Variants in CMC1 observed in about 807,000 individuals in gnomAD.
CMC1 encodes COX assembly mitochondrial protein homolog.
Under a neutral mutation model 14.1 loss-of-function variants are expected in CMC1, and 14 were observed. That is an observed-to-expected ratio of 0.99 (90% CI 0.66 to 1.55). CMC1 has a LOEUF of 1.55. Among genes scored for constraint, CMC1 ranks in the 40% most tolerant of loss-of-function variants. CMC1 has a pLI of 0.00. For synonymous variants in CMC1, 50 were observed against 38.4 expected, an observed-to-expected ratio of 1.30 and a Z score of -1.12; for missense variants, 127 against 123.8, an observed-to-expected ratio of 1.03 and a Z score of -0.12.
intron 1 of CMC1, among the ~76,000 whole-genome samples, chr3:28,258,722 C>T (rs1472524587): frequency 6.7e-6 from 1 of 149,950 alleles, no homozygotes; most frequent in Non-Finnish European, 1.5e-5. Context: ...CGGGTTCATG[C>T]CATTCTCCTG....
intron 2 of CMC1, among the ~76,000 whole-genome samples, chr3:28,292,501 G>C (rs1388739775): frequency 3.3e-5 from 5 of 152,078 alleles, no homozygotes; most frequent in Non-Finnish European, 7.4e-5. Flanking sequence ...CACTGCTTAT[G>C]ATCAAGCCTA....
chr3:28,278,573 G>C (rs914673494), intron 2 of CMC1, among the ~76,000 whole-genome samples: 2 of 152,134 alleles, frequency 1.3e-5, no homozygotes, highest in Non-Finnish European at 1.5e-5. Context: ...TTCCTCTTAA[G>C]ATTTCAGATA....
chr3:28,246,798 A>T (rs112579797), intron 1 of CMC1, among the ~76,000 whole-genome samples: 1,499 of 121,498 alleles, frequency 0.012, 78 homozygotes, highest in African/African-American at 0.043. Context: ...GGGTCCATTG[A>T]TTTTTTTTTT....
chr3:28,301,700 A>G (rs1435388530), intron 2 of CMC1, among the ~76,000 whole-genome samples: 5 of 152,128 alleles, frequency 3.3e-5, no homozygotes, highest in African/African-American at 1.2e-4. Context: ...AATTTGACAA[A>G]TGAGCGTACT....
At chr3:28,296,857 G>T (rs1224016087) in intron 2 of CMC1, among the ~76,000 whole-genome samples, 1 of 151,956 alleles carries the variant, frequency 6.6e-6, no homozygotes, top group Non-Finnish European at 1.5e-5. Context: ...AAGGTTTGTT[G>T]TTTTACATTT....
chr3:28,279,200 C>T lies in CMC1; in HGVS notation c.109+15820C>T, dbSNP rs565643531. On this transcript the variant is annotated intron_variant, in intron 2 of 3. Coordinates refer to ENST00000466830, the MANE Select transcript of CMC1 (RefSeq NM_182523.2). ...GAAATAGCACTGGGTGAGTCCCCTG[C>T]CAGGTAGGGTGGCTGAAACTCTTGA... Among the ~76,000 whole-genome samples, 38 of 152,222 alleles carry T rather than the reference C, an allele frequency of 2.5e-4. 1 individual carries two copies. In the South Asian group the frequency reaches 6.6e-3, roughly 27 times the overall value.
chr3:28,265,443 T>C (rs1699954861), intron 2 of CMC1, among the ~76,000 whole-genome samples: 1 of 152,162 alleles, frequency 6.6e-6, no homozygotes, highest in Non-Finnish European at 1.5e-5. Context: ...TCCATTGTAG[T>C]TTATTTACTG....
intron 3 of CMC1, 33 bp from the exon 4 acceptor site, chr3:28,319,476 T>A: frequency 6.4e-7 from 1 of 1,555,988 alleles, no homozygotes; most frequent in Non-Finnish European, 8.8e-7. Flanking sequence ...GCAGGATTAT[T>A]TACTTGAAAA....
rs1411075169 is a variant in CMC1, at chr3:28,321,316, G to A, written c.*1687G>A. The A allele has an allele frequency of 1.5e-4, 23 of 151,520 alleles. No individual in the cohort carries two copies. The highest frequency in any genetic ancestry group is 5.1e-4 in the African/African-American group (21 of 41,464). 9.4% of individuals were successfully genotyped at this position (151,520 alleles called of 1,614,324 possible). On this transcript the variant is annotated 3_prime_UTR_variant, in exon 4 of 4. Transcript: ENST00000466830. The stretch of plus-strand genomic sequence containing the variant: ...ATGGAAGAGTTACTTTAAGAAGCTA[G>A]TGAAATATACAATCTATTTTATAGC...
At chr3:28,284,245 G>A (rs1194643065) in intron 2 of CMC1, among the ~76,000 whole-genome samples, 1 of 152,146 alleles carries the variant, frequency 6.6e-6, no homozygotes, top group East Asian at 1.9e-4. Flanking sequence ...CTGCTTCCGT[G>A]ATTAAGGCTT....
chr3:28,255,143 C>T (rs184345465), intron 1 of CMC1, among the ~76,000 whole-genome samples: 11 of 152,262 alleles, frequency 7.2e-5, no homozygotes, highest in African/African-American at 2.6e-4. Context: ...CCCTCATCCC[C>T]TTTAGGCACC....
chr3:28,275,041 C>T (rs1256163188), intron 2 of CMC1, among the ~76,000 whole-genome samples: 3 of 152,146 alleles, frequency 2.0e-5, no homozygotes, highest in African/African-American at 7.2e-5. Context: ...AGAACATGCT[C>T]CGTTAGCCCA....
At chr3:28,307,986 C>T (rs547540017) in intron 2 of CMC1, among the ~76,000 whole-genome samples, 1 of 152,294 alleles carries the variant, frequency 6.6e-6, no homozygotes, top group South Asian at 2.1e-4. Context: ...CTCTCTGACT[C>T]TGCTTCCATC....
intron 2 of CMC1, among the ~76,000 whole-genome samples, chr3:28,267,889 C>A (rs1464102524): frequency 6.6e-6 from 1 of 152,216 alleles, no homozygotes; most frequent in Non-Finnish European, 1.5e-5. Context: ...TTCTGTCCAA[C>A]TGTGTTACTT....
At chr3:28,316,806 T>A (rs1163354381) in intron 3 of CMC1, 2 of 154,100 alleles carry the variant, frequency 1.3e-5, no homozygotes, top group Non-Finnish European at 2.9e-5. Context: ...ATTTGTTGGA[T>A]TAATATAATT....
chr3:28,308,713 G>A (rs942732837), intron 2 of CMC1, among the ~76,000 whole-genome samples: 1 of 152,164 alleles, frequency 6.6e-6, no homozygotes, highest in Non-Finnish European at 1.5e-5. Context: ...GGCTGAGCAT[G>A]GTGGCTTACG....
chr3:28,272,493 C>T, intron 2 of CMC1, among the ~76,000 whole-genome samples: 1 of 151,894 alleles, frequency 6.6e-6, no homozygotes, highest in East Asian at 1.9e-4. Flanking sequence ...TAGTTTTGGC[C>T]TTTAGTTCTG....
intron 2 of CMC1, among the ~76,000 whole-genome samples, chr3:28,278,643 C>G (rs1378524652): frequency 2.0e-5 from 3 of 152,186 alleles, no homozygotes; most frequent in African/African-American, 7.2e-5. Flanking sequence ...AACAAACTAT[C>G]CTTCAGTACT....
intron 2 of CMC1, among the ~76,000 whole-genome samples, chr3:28,281,686 T>C (rs988644394): frequency 2.0e-5 from 3 of 152,100 alleles, no homozygotes; most frequent in Non-Finnish European, 2.9e-5. Flanking sequence ...TATTAAACAA[T>C]TTATAATAAA....
Sources: allele counts gnomAD v4.1 joint callset (sites outside exome capture counted in the v4.1 genomes callset), GRCh38; gene constraint gnomAD v4.1.1; transcripts MANE v1.5; gene names NCBI Gene and HGNC (gene_info 2026-07-23, HGNC 2026-07-21).